SLC35F3: variants seen among roughly 807,000 people sequenced by gnomAD.
SLC35F3 encodes solute carrier family 35 member F3.
In SLC35F3, 25 loss-of-function variants were observed where a neutral mutation model predicts 49.9. The ratio of observed to expected loss-of-function variants is 0.50; its 90% confidence interval spans 0.37 to 0.70. SLC35F3 has a LOEUF of 0.70. Ranked by LOEUF, SLC35F3 falls within the 30% of genes least tolerant of loss-of-function variation. SLC35F3 has a pLI of 0.00. For missense variants in SLC35F3, 525 were observed against 639.8 expected, an observed-to-expected ratio of 0.82 and a Z score of 1.94; for synonymous variants, 275 against 265.4, an observed-to-expected ratio of 1.04 and a Z score of -0.35.
At chr1:234,094,516 T>G (rs996484598) in intron 2 of SLC35F3, among the ~76,000 whole-genome samples, 25 of 152,224 alleles carry the variant, frequency 1.6e-4, no homozygotes, top group African/African-American at 5.8e-4. Flanking sequence ...GGTGCCTGAT[T>G]GTTTTCTGTA....
At chr1:234,212,853 T>C (rs1353772894) in intron 2 of SLC35F3, 3 of 152,264 alleles carry the variant, frequency 2.0e-5, no homozygotes, top group African/African-American at 7.2e-5. Context: ...AAGTGGCTTA[T>C]TGGCTTATTG....
chr1:234,131,377 G>A (rs1469392034), intron 2 of SLC35F3, among the ~76,000 whole-genome samples: 1 of 152,158 alleles, frequency 6.6e-6, no homozygotes, highest in Non-Finnish European at 1.5e-5. Context: ...AAGGTCATAG[G>A]AAGGCTGTGG....
chr1:234,129,497 A>G (rs928624875), intron 2 of SLC35F3, among the ~76,000 whole-genome samples: 18 of 152,226 alleles, frequency 1.2e-4, no homozygotes, highest in African/African-American at 4.3e-4. Flanking sequence ...AAGACTCAAC[A>G]TTTAGATGTC....
Position 234,318,683 on chromosome 1 carries a change from G to A in SLC35F3, c.955-68G>A. The stretch of plus-strand genomic sequence containing the variant: ...AACCCAGCGTTGTGGAGTGAACTCT[G>A]CTTTGCTTACATCATATTGGGGTCT... On this transcript the variant is annotated intron_variant, in intron 5 of 7. Transcript: ENST00000366618. The A allele has an allele frequency of 4.2e-6, 6 of 1,417,218 alleles. No individual in the cohort carries two copies. In the South Asian group the frequency reaches 5.3e-5, roughly 13 times the overall value. The allele number at this position is 1,417,218 out of a possible 1,614,324, so 87.8% of individuals were successfully genotyped here. A position where few individuals can be genotyped will look rare whatever the true frequency, so the allele number is the denominator to read the frequency against.
Position 234,309,313 on chromosome 1 carries a change from G to A in SLC35F3, c.821G>A (p.Gly274Glu). 1 of 1,614,122 alleles carries A rather than the reference G, an allele frequency of 6.2e-7. No individual in the cohort carries two copies. Among genetic ancestry groups the A allele is most frequent in the Non-Finnish European group, 8.5e-7 (1 of 1,179,968 alleles). The change falls in exon 4 of 8, where the codon GGA becomes GAA. Residue 274 changes from glycine (G) to glutamate (E), a missense_variant. Gly to Glu is a moderately conservative substitution (Grantham distance 98). Coordinates refer to ENST00000366618, the MANE Select transcript of SLC35F3 (RefSeq NM_173508.4). The stretch of plus-strand genomic sequence containing the variant: ...ATCGTTCTCAGGGACAGATTCATGG[G>A]AGTGAGGGTAAGTTCCTTATTATCT... ...SWIVLRDRFM[G>E]VRIVAAILAI...
At chr1:234,104,453 A>T (rs1665254418) in intron 2 of SLC35F3, among the ~76,000 whole-genome samples, 1 of 152,144 alleles carries the variant, frequency 6.6e-6, no homozygotes, top group South Asian at 2.1e-4. Flanking sequence ...GATGCAAAAG[A>T]TAAAAGATTA....
At chr1:234,120,486 G>A (rs1033681921) in intron 2 of SLC35F3, among the ~76,000 whole-genome samples, 1 of 152,118 alleles carries the variant, frequency 6.6e-6, no homozygotes, top group Non-Finnish European at 1.5e-5. Flanking sequence ...AGCCTCTAAT[G>A]CACATTGCAC....
At chr1:234,304,531 T>C (rs569076373) in intron 3 of SLC35F3, among the ~76,000 whole-genome samples, 80 of 152,322 alleles carry the variant, frequency 5.3e-4, no homozygotes, top group Non-Finnish European at 9.4e-4. Context: ...TTCTCTTATC[T>C]CTGCAAGGAT....
chr1:234,265,410 C>A (rs898429530), intron 3 of SLC35F3, among the ~76,000 whole-genome samples: 1 of 151,706 alleles, frequency 6.6e-6, no homozygotes, highest in Non-Finnish European at 1.5e-5. Context: ...TGGACTCAAG[C>A]GATCCTCCCG....
At chr1:234,088,419 G>T (rs1436542245) in intron 2 of SLC35F3, among the ~76,000 whole-genome samples, 1 of 152,190 alleles carries the variant, frequency 6.6e-6, no homozygotes, top group Non-Finnish European at 1.5e-5. Context: ...TGTTGGCCAG[G>T]CTGGTCTCGA....
chr1:233,997,203 G>A (rs1324577086), intron 2 of SLC35F3, among the ~76,000 whole-genome samples: 1 of 152,106 alleles, frequency 6.6e-6, no homozygotes, highest in Admixed American at 6.5e-5. Context: ...GAATAGTGTT[G>A]CTGTGAACAT....
intron 2 of SLC35F3, among the ~76,000 whole-genome samples, chr1:233,941,118 A>G (rs897989272): frequency 2.0e-5 from 3 of 152,074 alleles, no homozygotes; most frequent in South Asian, 2.1e-4. Context: ...CTTTCCACAC[A>G]CCGTATATGG....
chr1:234,096,594 A>G (rs1175170101), intron 2 of SLC35F3, among the ~76,000 whole-genome samples: 1 of 152,190 alleles, frequency 6.6e-6, no homozygotes, highest in African/African-American at 2.4e-5. Context: ...ATTGTTCTGC[A>G]TAGCTGGAAC....
intron 2 of SLC35F3, among the ~76,000 whole-genome samples, chr1:234,054,632 T>A (rs982553551): frequency 6.6e-6 from 1 of 152,222 alleles, no homozygotes; most frequent in Non-Finnish European, 1.5e-5. Context: ...TCTGAAGCCT[T>A]CTTCTGTCAA....
chr1:234,077,244 T>G (rs1664806833), intron 2 of SLC35F3, among the ~76,000 whole-genome samples: 3 of 151,844 alleles, frequency 2.0e-5, no homozygotes, highest in African/African-American at 7.3e-5. Context: ...GACCTCATGA[T>G]CCACCCGCCT....
At chr1:233,941,145 G>A (rs989466722) in intron 2 of SLC35F3, among the ~76,000 whole-genome samples, 2 of 152,130 alleles carry the variant, frequency 1.3e-5, no homozygotes, top group African/African-American at 4.8e-5. Context: ...CTAAGGTGCC[G>A]AGTCTCTGTG....
chr1:234,003,425 ACAGATT>A (rs1663582416), intron 2 of SLC35F3, among the ~76,000 whole-genome samples: 1 of 152,188 alleles, frequency 6.6e-6, no homozygotes, highest in Admixed American at 6.5e-5. Flanking sequence ...ACAGGAAAAA[ACAGATT>A]ATTCAGTAAA....
At chr1:234,058,001 C>T (rs1664480437) in intron 2 of SLC35F3, among the ~76,000 whole-genome samples, 1 of 152,140 alleles carries the variant, frequency 6.6e-6, no homozygotes, top group African/African-American at 2.4e-5. Context: ...GACACTGCAT[C>T]CGGCCATGTG....
intron 2 of SLC35F3, among the ~76,000 whole-genome samples, chr1:234,159,788 CA>C (rs1207033476): frequency 6.6e-6 from 1 of 152,100 alleles, no homozygotes; most frequent in East Asian, 1.9e-4. Context: ...CTCACTCATT[CA>C]GTTGTGTATT....
Sources: allele counts gnomAD v4.1 joint callset (sites outside exome capture counted in the v4.1 genomes callset), GRCh38; gene constraint gnomAD v4.1.1; transcripts MANE v1.5; gene names NCBI Gene and HGNC (gene_info 2026-07-23, HGNC 2026-07-21).